SUPT3H: variants seen among roughly 807,000 people sequenced by gnomAD.
SUPT3H encodes transcription initiation protein SPT3 homolog.
In SUPT3H, 44 loss-of-function variants were observed where a neutral mutation model predicts 44.3. That is an observed-to-expected ratio of 0.99 (90% confidence interval 0.78 to 1.28). The LOEUF (loss-of-function observed/expected upper bound fraction) is 1.28. Ranked by LOEUF, SUPT3H falls within the 50% of genes most tolerant of loss-of-function variation. The probability of loss-of-function intolerance (pLI) is 0.00; values close to 1 mark genes in which losing one functional copy is unlikely to be tolerated. For synonymous variants in SUPT3H, 124 were observed against 125.6 expected, an observed-to-expected ratio of 0.99 and a Z score of 0.09; for missense variants, 380 against 387.1, an observed-to-expected ratio of 0.98 and a Z score of 0.15.
chr6:45,035,257 G>A (rs898146153), intron 3 of SUPT3H, among the ~76,000 whole-genome samples: 1 of 152,074 alleles, frequency 6.6e-6, no homozygotes, highest in Non-Finnish European at 1.5e-5. Context: ...ATGTGACTTT[G>A]TGCTAGGTAA....
In SUPT3H at chr6:45,284,556, T is replaced by C. The variant is rs373767887; in HGVS notation, c.101+80645A>G. On this transcript the variant is annotated intron_variant, in intron 2 of 10. Transcript: ENST00000371459. ...AAGACTAAACGAGGAAGAAGTTGAATCTCTGAATAGACCAATAACAGGCTC... is the reference window on the plus strand; with the variant it reads ...AAGACTAAACGAGGAAGAAGTTGAACCTCTGAATAGACCAATAACAGGCTC... Among the ~76,000 whole-genome samples, 11 of 152,242 alleles carry C rather than the reference T, an allele frequency of 7.2e-5. No individual in the cohort carries two copies. In the East Asian group the frequency reaches 1.4e-3, roughly 19 times the overall value.
At chr6:45,361,210 T>C (rs9472470) in intron 2 of SUPT3H, among the ~76,000 whole-genome samples, 22,119 of 152,138 alleles carry the variant, frequency 0.15, 2,124 homozygotes, top group African/African-American at 0.27. Context: ...TTTTTTAATT[T>C]GTGGATGTTA....
intron 2 of SUPT3H, among the ~76,000 whole-genome samples, chr6:45,226,794 G>T (rs1195390392): frequency 6.6e-6 from 1 of 152,012 alleles, no homozygotes; most frequent in Non-Finnish European, 1.5e-5. Context: ...CTCCTAAAGT[G>T]CTGGGATTAC....
rs573229416 is a variant in SUPT3H at position 45,190,729 on chromosome 6, A to G, written c.102-84723T>C. Among the ~76,000 whole-genome samples, 12 of 152,296 alleles carry G rather than the reference A, an allele frequency of 7.9e-5. No homozygotes were observed. In the South Asian group the frequency reaches 2.5e-3, roughly 32 times the overall value. ...TAACCAAAATATACAAAGAACCCTT[A>G]AAATTCAAAAGTAAGAAAATAAGAA... On this transcript the variant is annotated intron_variant, in intron 2 of 10. Coordinates refer to ENST00000371459, the MANE Select transcript of SUPT3H (RefSeq NM_003599.4).
intron 2 of SUPT3H, among the ~76,000 whole-genome samples, chr6:45,235,110 G>A (rs1768847435): frequency 6.6e-6 from 1 of 152,108 alleles, no homozygotes; most frequent in South Asian, 2.1e-4. Context: ...AATGATACAA[G>A]TGACAAATGC....
At chr6:45,164,145 TG>T (rs1348887138) in intron 2 of SUPT3H, among the ~76,000 whole-genome samples, 1 of 152,050 alleles carries the variant, frequency 6.6e-6, no homozygotes, top group Admixed American at 6.6e-5. Context: ...GACAGAGCTG[TG>T]GGGGGCAGTG....
At chr6:44,853,743 G>C (rs1773279707) in intron 10 of SUPT3H, among the ~76,000 whole-genome samples, 1 of 151,962 alleles carries the variant, frequency 6.6e-6, no homozygotes, top group African/African-American at 2.4e-5. Flanking sequence ...GGCTTCTGGT[G>C]GGGGGAGTGG....
intron 3 of SUPT3H, among the ~76,000 whole-genome samples, chr6:45,099,558 C>T (rs907637576): frequency 1.3e-5 from 2 of 152,058 alleles, no homozygotes; most frequent in Non-Finnish European, 2.9e-5. Flanking sequence ...ATTATCTCTT[C>T]TTAAAACCCT....
At chr6:45,171,214 AAAAC>A (rs1810712400) in intron 2 of SUPT3H, among the ~76,000 whole-genome samples, 1 of 152,218 alleles carries the variant, frequency 6.6e-6, no homozygotes, top group Non-Finnish European at 1.5e-5. Context: ...TAAGATGATG[AAAAC>A]AAATTTTTAT....
chr6:44,868,434 G>GA (rs1245464465), intron 10 of SUPT3H, among the ~76,000 whole-genome samples: 1 of 152,196 alleles, frequency 6.6e-6, no homozygotes, highest in East Asian at 1.9e-4. Flanking sequence ...TTTTAAGGAT[G>GA]ATGTCACCAT....
chr6:44,895,834 C>A (rs531968121), intron 10 of SUPT3H, among the ~76,000 whole-genome samples: 2 of 152,042 alleles, frequency 1.3e-5, no homozygotes, highest in East Asian at 3.9e-4. Context: ...AAATGAAGTT[C>A]ATTCTCTTTA....
intron 6 of SUPT3H, among the ~76,000 whole-genome samples, chr6:44,996,682 A>G (rs1350358077): frequency 6.6e-6 from 1 of 151,910 alleles, no homozygotes; most frequent in Non-Finnish European, 1.5e-5. Context: ...CTACTCCCAC[A>G]GTGTATTTGA....
chr6:45,127,514 A>G (rs550409393), intron 2 of SUPT3H, among the ~76,000 whole-genome samples: 1 of 152,276 alleles, frequency 6.6e-6, no homozygotes, highest in African/African-American at 2.4e-5. Flanking sequence ...TAATTTGTCT[A>G]AGGTCACAAA....
At chr6:45,312,319 C>G (rs1382139513) in intron 2 of SUPT3H, among the ~76,000 whole-genome samples, 1 of 151,950 alleles carries the variant, frequency 6.6e-6, no homozygotes, top group Non-Finnish European at 1.5e-5. Context: ...CCATCCTGGC[C>G]CTGGCTAACA....
At chr6:45,255,771 A>G (rs1346339126) in intron 2 of SUPT3H, among the ~76,000 whole-genome samples, 1 of 152,222 alleles carries the variant, frequency 6.6e-6, no homozygotes, top group Non-Finnish European at 1.5e-5. Flanking sequence ...TTATTGAGAC[A>G]TAATTCACAA....
At chr6:44,945,257 C>T (rs527891807) in intron 9 of SUPT3H, among the ~76,000 whole-genome samples, 16 of 152,200 alleles carry the variant, frequency 1.1e-4, no homozygotes, top group Middle Eastern at 3.4e-3. Flanking sequence ...CTCAGGCCTC[C>T]CTATTCCCTG....
At chr6:44,839,172 G>A (rs994780618) in intron 10 of SUPT3H, among the ~76,000 whole-genome samples, 2 of 152,078 alleles carry the variant, frequency 1.3e-5, no homozygotes, top group African/African-American at 4.8e-5. Flanking sequence ...GTGAGCTTTT[G>A]GGCTCATGGT....
intron 3 of SUPT3H, among the ~76,000 whole-genome samples, chr6:45,034,464 G>C (rs1041118937): frequency 5.9e-5 from 9 of 152,132 alleles, no homozygotes; most frequent in African/African-American, 2.2e-4. Flanking sequence ...GAATTATCAA[G>C]AACAGCCTCA....
intron 3 of SUPT3H, chr6:45,097,766 A>G (rs938232390): frequency 6.6e-6 from 1 of 152,252 alleles, no homozygotes; most frequent in African/African-American, 2.4e-5. Context: ...GCAAAAAGAC[A>G]TACAGGTTTT....
Sources: gnomAD v4.1 joint callset for allele counts (sites outside exome capture counted in the v4.1 genomes callset) on GRCh38, gnomAD v4.1.1 for gene constraint, MANE v1.5 for transcripts, NCBI Gene and HGNC (gene_info 2026-07-23, HGNC 2026-07-21) for gene names.